Variants in ATRNL1 observed in about 807,000 individuals in gnomAD.
ATRNL1 encodes attractin like 1.
ATRNL1 carries 95 observed loss-of-function variants against 182.7 expected under a neutral mutation model. That is an observed-to-expected ratio of 0.52 (90% CI 0.44 to 0.62). The LOEUF (loss-of-function observed/expected upper bound fraction) is 0.62. Among genes scored for constraint, ATRNL1 ranks in the 20% least tolerant of loss-of-function variants. The pLI is 0.00. For synonymous variants in ATRNL1, 576 were observed against 568.3 expected (o/e 1.01, Z -0.19); for missense variants, 1,471 against 1,679.5 (o/e 0.88, Z 2.17).
intron 19 of ATRNL1, among the ~76,000 whole-genome samples, chr10:115,360,564 C>G (rs1856694943): frequency 6.6e-6 from 1 of 150,794 alleles, no homozygotes; most frequent in Non-Finnish European, 1.5e-5. Context: ...AGATTTTATT[C>G]AGATTGTGCC....
At chr10:115,757,081 T>C (rs1948610481) in intron 27 of ATRNL1, among the ~76,000 whole-genome samples, 1 of 152,142 alleles carries the variant, frequency 6.6e-6, no homozygotes, top group Non-Finnish European at 1.5e-5. Flanking sequence ...CTCCTGAATA[T>C]AGCACACTAA....
At chr10:115,758,176 T>A (rs1371917936) in intron 27 of ATRNL1, among the ~76,000 whole-genome samples, 1 of 152,056 alleles carries the variant, frequency 6.6e-6, no homozygotes, top group Non-Finnish European at 1.5e-5. Flanking sequence ...TTCATCAAAC[T>A]CATTCTCTGT....
chr10:115,509,404 T>C (rs58028838), intron 24 of ATRNL1, among the ~76,000 whole-genome samples: 4,780 of 152,006 alleles, frequency 0.031, 246 homozygotes, highest in African/African-American at 0.11. Flanking sequence ...TGGGAGGTGA[T>C]TGGATCATGG....
intron 5 of ATRNL1, among the ~76,000 whole-genome samples, chr10:115,153,960 G>A (rs886346750): frequency 6.3e-4 from 96 of 151,270 alleles, no homozygotes; most frequent in African/African-American, 2.3e-3. Context: ...CCTTCATTTC[G>A]TTATGTACCC....
chr10:115,182,448 G>A (rs1036504031), intron 8 of ATRNL1, among the ~76,000 whole-genome samples: 5 of 151,500 alleles, frequency 3.3e-5, no homozygotes, highest in Non-Finnish European at 7.4e-5. Context: ...TCAGAAATAT[G>A]CATTATAATA....
chr10:115,223,929 A>ATATATATATATATATTTTTT (rs1420143943), intron 9 of ATRNL1, among the ~76,000 whole-genome samples: 2 of 44,728 alleles, frequency 4.5e-5, no homozygotes, highest in African/African-American at 1.8e-4. Flanking sequence ...ATATATATAT[A>ATATATATATATATATTTTTT]TTTTTTTTTT....
At chr10:115,437,639 C>T (rs1478849431) in intron 21 of ATRNL1, among the ~76,000 whole-genome samples, 12 of 151,958 alleles carry the variant, frequency 7.9e-5, no homozygotes, top group African/African-American at 2.9e-4. Flanking sequence ...TTGTCAAAGT[C>T]TGTATGTATC....
At chr10:115,554,760 A>G (rs1221910215) in intron 26 of ATRNL1, among the ~76,000 whole-genome samples, 5 of 151,712 alleles carry the variant, frequency 3.3e-5, no homozygotes, top group Non-Finnish European at 7.4e-5. Context: ...GAACTGTTTC[A>G]TAATTATACA....
At chr10:115,800,533 G>T (rs184850056) in intron 27 of ATRNL1, among the ~76,000 whole-genome samples, 11 of 152,184 alleles carry the variant, frequency 7.2e-5, no homozygotes, top group Non-Finnish European at 1.3e-4. Context: ...TGATTCCCCC[G>T]CAGGAAAGAG....
chr10:115,314,570 A>G (rs1373618240), intron 17 of ATRNL1, among the ~76,000 whole-genome samples: 1 of 152,202 alleles, frequency 6.6e-6, no homozygotes, highest in African/African-American at 2.4e-5. Context: ...TCTATTTATA[A>G]ACAATCCCCA....
At position 115,093,610 on chromosome 10, in the gene ATRNL1, C is replaced by T. The variant is rs931043590; in HGVS notation, c.-141C>T. 10 of 978,802 alleles carry T rather than the reference C, an allele frequency of 1.0e-5. No individual in the cohort carries two copies. Among genetic ancestry groups the T allele is most frequent in the South Asian group, 5.6e-5 (4 of 71,122 alleles). The allele number at this position is 978,802 out of a possible 1,614,324, so 60.6% of individuals were successfully genotyped here. A position where few individuals can be genotyped will look rare whatever the true frequency, so the allele number is the denominator to read the frequency against. On this transcript the variant is annotated 5_prime_UTR_variant, in exon 1 of 29. Coordinates refer to ENST00000355044, the MANE Select transcript of ATRNL1 (RefSeq NM_207303.4). This position sits in a 1 kb window ranked among gnomAD's most constrained non-coding sequence, Gnocchi z 6.1. Reference sequence around the variant, plus strand: ...GCGGTTGGGATCTGTCCCTCCTGACCGGGGAGCGGGACTCGGACGGGCGCC... The same window carrying T: ...GCGGTTGGGATCTGTCCCTCCTGACTGGGGAGCGGGACTCGGACGGGCGCC...
At chr10:115,366,029 T>C (rs1326835569) in intron 19 of ATRNL1, among the ~76,000 whole-genome samples, 1 of 152,142 alleles carries the variant, frequency 6.6e-6, no homozygotes, top group East Asian at 1.9e-4. Context: ...AGATGTCTAT[T>C]AGGTCCACTT....
At chr10:115,321,362 T>A (rs1395679504) in intron 18 of ATRNL1, among the ~76,000 whole-genome samples, 2 of 152,220 alleles carry the variant, frequency 1.3e-5, no homozygotes, top group Non-Finnish European at 2.9e-5. Flanking sequence ...CTATTTGATA[T>A]GTGAGGGCTT....
At chr10:115,619,612 G>T (rs1396906390) in intron 26 of ATRNL1, among the ~76,000 whole-genome samples, 2 of 152,146 alleles carry the variant, frequency 1.3e-5, no homozygotes, top group African/African-American at 4.8e-5. Flanking sequence ...TTTGTAATAT[G>T]AATTTAAAAG....
At chr10:115,268,814 T>C (rs1197316041) in intron 13 of ATRNL1, among the ~76,000 whole-genome samples, 2 of 152,236 alleles carry the variant, frequency 1.3e-5, no homozygotes, top group Non-Finnish European at 2.9e-5. Flanking sequence ...AGACATGCAT[T>C]AGTGGTCGTG....
chr10:115,929,519 T>G lies in ATRNL1; in HGVS notation c.4019-15139T>G, dbSNP rs781864634. Among the ~76,000 whole-genome samples, 12 of 152,238 alleles carry G rather than the reference T, an allele frequency of 7.9e-5. No homozygotes were observed. The South Asian group carries it at 2.3e-3, about 29-fold the overall frequency. On this transcript the variant is annotated intron_variant, in intron 28 of 28. Transcript: ENST00000355044. The stretch of plus-strand genomic sequence containing the variant: ...CTTATCTACCTACAAACCAGAGACA[T>G]GCCAGGTATGAAGGAACCCAAGGCT...
chr10:115,169,067 G>T (rs1401724137), intron 7 of ATRNL1, among the ~76,000 whole-genome samples: 6 of 122,918 alleles, frequency 4.9e-5, no homozygotes, highest in African/African-American at 1.2e-4. Context: ...AGCACCATTT[G>T]TTCACAAGAC....
At chr10:115,871,344 C>CTT (rs34110588) in intron 28 of ATRNL1, among the ~76,000 whole-genome samples, 4 of 141,726 alleles carry the variant, frequency 2.8e-5, no homozygotes, top group African/African-American at 1.0e-4. Context: ...CCTTTTAGGA[C>CTT]TTTTTTTTTT....
At chr10:115,634,704 T>C (rs1555027437) in intron 26 of ATRNL1, among the ~76,000 whole-genome samples, 2 of 152,138 alleles carry the variant, frequency 1.3e-5, no homozygotes, top group Non-Finnish European at 2.9e-5. Flanking sequence ...ATTTATATGA[T>C]TTTTTACTGG....
Sources: gnomAD v4.1 joint callset for allele counts (sites outside exome capture counted in the v4.1 genomes callset) on GRCh38, gnomAD v4.1.1 for gene constraint, Gnocchi (gnomAD v3.1) non-coding constraint, MANE v1.5 for transcripts, NCBI Gene and HGNC (gene_info 2026-07-23, HGNC 2026-07-21) for gene names.